TDRD5: variants seen among roughly 807,000 people sequenced by gnomAD.
TDRD5 encodes the protein tudor domain-containing protein 5.
In TDRD5, 41 loss-of-function variants were observed where a neutral mutation model predicts 120.6. The observed-to-expected ratio is 0.34, with a 90% CI of 0.26 to 0.44. The LOEUF is 0.44. Ranked by LOEUF, TDRD5 falls within the 20% of genes least tolerant of loss-of-function variation. The pLI is 1.00. For synonymous variants in TDRD5, 430 were observed against 433.7 expected, an observed-to-expected ratio of 0.99 and a Z score of 0.11; for missense variants, 1,006 against 1,221.2, an observed-to-expected ratio of 0.82 and a Z score of 2.63.
rs1045161756 is a variant in TDRD5 at position 179,592,453 on chromosome 1, C to T, written c.-14-149C>T. 6.4e-6 allele frequency: 4 copies of T among 621,496 alleles called. No individual in the cohort carries two copies. The Admixed American group carries it at 1.2e-4, about 18-fold the overall frequency. 38.5% of individuals were successfully genotyped at this position (621,496 alleles called of 1,614,324 possible). The stretch of plus-strand genomic sequence containing the variant: ...TCAGGGCTTGAATCGCCCGGCCACG[C>T]GCAAGCCGCAGGGCACCCTCATACT... On this transcript the variant is annotated intron_variant, in intron 1 of 17. Transcript: ENST00000444136.
rs753511087 is a variant in TDRD5 at position 179,690,832 on chromosome 1, G to A, written c.2997G>A (p.Lys999=). ...CTTATGAGTGCCAGATTTCTCAGAA[G>A]CTCTACATTCCTCGAAGTACAGCCA... The part of the protein sequence containing the change: ...ILSYECQISQ[K]LYIPRSTATA... The change falls in exon 18 of 18, where the codon AAG becomes AAA. Residue 999 remains lysine (K), a synonymous_variant. Transcript: ENST00000444136. 1 of 1,614,102 alleles carries A rather than the reference G, an allele frequency of 6.2e-7. No homozygotes were observed. Among genetic ancestry groups the A allele is most frequent in the Non-Finnish European group, 8.5e-7 (1 of 1,180,044 alleles).
rs779042652 is a variant in TDRD5, at chr1:179,618,692, T to G, written c.915+10T>G. The stretch of plus-strand genomic sequence containing the variant: ...ACATAAGATAAAATTTGTAAGTAAT[T>G]TCTGTTTCTGGGAGACAATAATAAT... On this transcript the variant is annotated intron_variant, in intron 5 of 17. Transcript: ENST00000444136. 6.4e-7 allele frequency: 1 copy of G among 1,550,868 alleles called. No individual in the cohort carries two copies. Among genetic ancestry groups the G allele is most frequent in the South Asian group, 1.3e-5 (1 of 79,868 alleles).
At chr1:179,657,953 T>G (rs74675922) in intron 14 of TDRD5, among the ~76,000 whole-genome samples, 2 of 152,296 alleles carry the variant, frequency 1.3e-5, no homozygotes, top group East Asian at 1.9e-4. Flanking sequence ...CTCTTGAACT[T>G]ACTCCTCCTG....
At chr1:179,640,315 T>C (rs190167327) in intron 10 of TDRD5, 64 bp from the exon 11 acceptor site, 270 of 1,572,358 alleles carry the variant, frequency 1.7e-4, no homozygotes, top group Admixed American at 1.4e-3. Context: ...TTTTGGGTCA[T>C]GCTAAGAGGT....
rs115868745 is a variant in TDRD5 at position 179,615,739 on chromosome 1, A to G, written c.832-2860A>G. 9.9e-3 allele frequency among the ~76,000 whole-genome samples: 1,509 copies of G among 152,076 alleles called. 14 individuals are homozygous for G. Among genetic ancestry groups the G allele is most frequent in the African/African-American group, 0.035 (1,444 of 41,510 alleles). On this transcript the variant is annotated intron_variant, in intron 4 of 17. Transcript: ENST00000444136. ...AAAAAATCTCCACTGCATTCAGTTT[A>G]AAGTCACCTTAATTTAGACATTTTG...
At chr1:179,593,008 G>A (rs4652420) in intron 2 of TDRD5, among the ~76,000 whole-genome samples, 161 bp downstream of exon 2, 99,748 of 152,000 alleles carry the variant, frequency 0.66, 33,063 homozygotes, top group East Asian at 0.88. Context: ...GGGCAAAATT[G>A]GAACCTCTGC....
At chr1:179,663,046 T>G (rs1412207508) in intron 15 of TDRD5, among the ~76,000 whole-genome samples, 1 of 152,204 alleles carries the variant, frequency 6.6e-6, no homozygotes, top group Admixed American at 6.5e-5. Flanking sequence ...ATGTTGCTCC[T>G]TCATGTTTGT....
At position 179,610,095 on chromosome 1, in the gene TDRD5, T is replaced by C. The variant is rs150374450; in HGVS notation, c.832-8504T>C. Among the ~76,000 whole-genome samples, 394 of 152,262 alleles carry C rather than the reference T, an allele frequency of 2.6e-3. 2 individuals are homozygous for C. The highest frequency in any genetic ancestry group is 9.2e-3 in the African/African-American group (382 of 41,548). ...GTTCTGCATTGTTATTCAACAGCTC[T>C]AAATTGTTGTTTCATACATTTTCCC... On this transcript the variant is annotated intron_variant, in intron 4 of 17. Transcript: ENST00000444136.
chr1:179,622,612 A>G (rs1418965302), intron 6 of TDRD5, among the ~76,000 whole-genome samples: 3 of 152,206 alleles, frequency 2.0e-5, no homozygotes, highest in Non-Finnish European at 2.9e-5. Flanking sequence ...AGTTATTTTC[A>G]TAACTTAAAA....
chr1:179,630,692 G>A, intron 6 of TDRD5, 75 bp from the exon 7 acceptor site: 2 of 1,474,680 alleles, frequency 1.4e-6, no homozygotes, highest in Non-Finnish European at 1.8e-6. Context: ...TAGTTTGGTT[G>A]TCCAAGGACA....
intron 17 of TDRD5, among the ~76,000 whole-genome samples, chr1:179,685,971 A>G (rs1680687023): frequency 6.6e-6 from 1 of 152,198 alleles, no homozygotes; most frequent in Non-Finnish European, 1.5e-5. Context: ...CTAAATATCC[A>G]ATCTTGTCAT....
At chr1:179,640,265 C>A in intron 10 of TDRD5, 114 bp from the exon 11 acceptor site, 1 of 1,230,322 alleles carries the variant, frequency 8.1e-7, no homozygotes, top group Non-Finnish European at 1.2e-6. Context: ...TTTGAATGGA[C>A]GATGAGATTA....
At chr1:179,661,845 T>G (rs1679327977) in intron 14 of TDRD5, among the ~76,000 whole-genome samples, 2 of 152,234 alleles carry the variant, frequency 1.3e-5, no homozygotes, top group Admixed American at 6.5e-5. Flanking sequence ...TCAGGACTGC[T>G]TAATCGGTTG....
upstream of TDRD5, chr1:179,591,771 C>T (rs1307343221): frequency 1.3e-5 from 2 of 152,448 alleles, no homozygotes; most frequent in Non-Finnish European, 2.9e-5. Context: ...CTGCCACGTG[C>T]CCTCGGGGCT....
chr1:179,663,332 C>A lies in TDRD5; in HGVS notation c.2506-16C>A. ...GCACTTTATCTCAGTCTGTTGTTGC[C>A]ATTTTTTCATTATAGGACTGGTGTT... On this transcript the variant is annotated splice_polypyrimidine_tract_variant and intron_variant, in intron 15 of 17. Coordinates refer to ENST00000444136, the MANE Select transcript of TDRD5 (RefSeq NM_001199085.3). 6.3e-7 allele frequency: 1 copy of A among 1,593,814 alleles called. No homozygotes were observed. The highest frequency in any genetic ancestry group is 1.2e-5 in the South Asian group (1 of 86,466).
At chr1:179,679,302 G>T (rs1680306297) in intron 17 of TDRD5, among the ~76,000 whole-genome samples, 1 of 152,090 alleles carries the variant, frequency 6.6e-6, no homozygotes, top group Admixed American at 6.5e-5. Context: ...CCATGTTCAT[G>T]AGGGATATTT....
At chr1:179,675,592 T>G (rs1032275854) in intron 17 of TDRD5, among the ~76,000 whole-genome samples, 1 of 152,222 alleles carries the variant, frequency 6.6e-6, no homozygotes, top group African/African-American at 2.4e-5. Context: ...AAAGAATTTT[T>G]AAATCCCCAT....
rs1283082569 is a variant in TDRD5 at position 179,632,456 on chromosome 1, T to G, written c.1126+1536T>G. ...TGATTTTTCTGATTATTAAAGTAAC[T>G]CATGTTCATTCTGAATATATATAAA... On this transcript the variant is annotated intron_variant, in intron 7 of 17. Transcript: ENST00000444136. Among the ~76,000 whole-genome samples the G allele has an allele frequency of 2.0e-5, 3 of 151,902 alleles. No homozygotes were observed. In the East Asian group the frequency reaches 5.8e-4, roughly 29 times the overall value.
chr1:179,683,903 G>A (rs151140138), intron 17 of TDRD5, among the ~76,000 whole-genome samples: 14 of 152,180 alleles, frequency 9.2e-5, no homozygotes, highest in Admixed American at 5.9e-4. Context: ...GGTAATAAGC[G>A]GTTTATAGAC....
Sources: gnomAD v4.1 joint callset for allele counts (sites outside exome capture counted in the v4.1 genomes callset) on GRCh38, gnomAD v4.1.1 for gene constraint, MANE v1.5 for transcripts, NCBI Gene and HGNC (gene_info 2026-07-23, HGNC 2026-07-21) for gene names.